DNA2: variants seen among roughly 807,000 people sequenced by gnomAD.
DNA2 encodes DNA replication ATP-dependent helicase/nuclease DNA2.
Under a neutral mutation model 119.1 loss-of-function variants are expected in DNA2, and 101 were observed. The observed-to-expected ratio is 0.85, with a 90% CI of 0.72 to 1.00. DNA2 has a LOEUF of 1.00. DNA2 is among the 50% of genes least tolerant of loss of function. The pLI is 0.00. For synonymous variants in DNA2, 366 were observed against 424.4 expected (o/e 0.86, Z 1.69); for missense variants, 1,121 against 1,255.5 (o/e 0.89, Z 1.62).
intron 14 of DNA2, among the ~76,000 whole-genome samples, chr10:68,428,896 C>T (rs1286329398): frequency 6.6e-6 from 1 of 152,124 alleles, no homozygotes; most frequent in Non-Finnish European, 1.5e-5. Context: ...GTATCAATGT[C>T]AACATCCTGG....
intron 4 of DNA2, among the ~76,000 whole-genome samples, chr10:68,464,176 G>C (rs1341173852): frequency 6.6e-6 from 1 of 152,162 alleles, no homozygotes; most frequent in Non-Finnish European, 1.5e-5. Context: ...CAGTAGAAAT[G>C]TAAACTTGGA....
intron 4 of DNA2, among the ~76,000 whole-genome samples, chr10:68,460,030 T>TACAAACACACACACACAC (rs1554909244): frequency 2.1e-4 from 31 of 145,700 alleles, no homozygotes; most frequent in African/African-American, 7.9e-4. Flanking sequence ...CCATCACAAA[T>TACAAACACACACACACAC]ACACACACAC....
intron 5 of DNA2, among the ~76,000 whole-genome samples, chr10:68,453,807 G>A (rs1214306915): frequency 6.6e-6 from 1 of 152,160 alleles, no homozygotes; most frequent in Non-Finnish European, 1.5e-5. Context: ...ATCTAGGTTT[G>A]CACAAGTACA....
At chr10:68,447,360 AT>A (rs1352440021) in intron 6 of DNA2, among the ~76,000 whole-genome samples, 1 of 151,802 alleles carries the variant, frequency 6.6e-6, no homozygotes, top group African/African-American at 2.4e-5. Context: ...TCTACTAAAA[AT>A]ACAAAAATTA....
chr10:68,435,880 C>T (rs2051882634), intron 10 of DNA2, among the ~76,000 whole-genome samples: 2 of 152,158 alleles, frequency 1.3e-5, no homozygotes, highest in Non-Finnish European at 2.9e-5. Context: ...CAGTGCCCAG[C>T]ATGCAAGGAG....
At chr10:68,432,141 C>A in intron 12 of DNA2, 65 bp downstream of exon 12, 1 of 1,227,900 alleles carries the variant, frequency 8.1e-7, no homozygotes, top group South Asian at 1.4e-5. Flanking sequence ...AGATATTAGA[C>A]TACAGTATAA....
chr10:68,441,425 T>G (rs965313367), intron 9 of DNA2, among the ~76,000 whole-genome samples: 2 of 151,506 alleles, frequency 1.3e-5, no homozygotes, highest in African/African-American at 4.8e-5. Flanking sequence ...GACTATGAAA[T>G]GGACCTTTAG....
intron 5 of DNA2, 85 bp downstream of exon 5, chr10:68,459,019 T>G: frequency 8.1e-7 from 1 of 1,230,272 alleles, no homozygotes; most frequent in South Asian, 2.2e-5. Flanking sequence ...TTACTCAATC[T>G]TTAAAAACTT....
At chr10:68,439,087 T>A (rs2133390341) in intron 9 of DNA2, among the ~76,000 whole-genome samples, 1 of 150,166 alleles carries the variant, frequency 6.7e-6, no homozygotes, top group Non-Finnish European at 1.5e-5. Context: ...TAAAACAAGT[T>A]ACGTTTTACA....
At chr10:68,416,197 G>A (rs2051587219) in intron 20 of DNA2, among the ~76,000 whole-genome samples, 1 of 152,132 alleles carries the variant, frequency 6.6e-6, no homozygotes, top group Non-Finnish European at 1.5e-5. Context: ...GCTGAATGTG[G>A]TGGCTGACAC....
rs1203956193 is a variant in DNA2, at chr10:68,448,968, C to CGCGTGTGT, written c.939+1059_939+1060insACACACGC. On this transcript the variant is annotated intron_variant, in intron 6 of 20. Transcript: ENST00000358410. ...GTGTGTGTGTGTGTGTGTGTGTGTG[C>CGCGTGTGT]GTGTGTGTGTGTGTGTGTAGTAGTT... Among the ~76,000 whole-genome samples, 261 of 109,650 alleles carry CGCGTGTGT rather than the reference C, an allele frequency of 2.4e-3. 1 individual carries two copies. The highest frequency in any genetic ancestry group is 4.0e-3 in the South Asian group (10 of 2,510). 71.9% of individuals were successfully genotyped at this position (109,650 alleles called of 152,430 possible). A position where few individuals can be genotyped will look rare whatever the true frequency, so the allele number is the denominator to read the frequency against.
Position 68,416,791 on chromosome 10 carries a change from AGTT to A in DNA2, c.3029_3031del (p.Lys1010_Leu1011delinsMet), listed in dbSNP as rs1564874368. The A allele has an allele frequency of 1.9e-6, 3 of 1,613,944 alleles. No individual in the cohort carries two copies. The South Asian group carries it at 3.3e-5, about 18-fold the overall frequency. On this transcript the variant is annotated inframe_deletion, in exon 20 of 21. Coordinates refer to ENST00000358410, the MANE Select transcript of DNA2 (RefSeq NM_001080449.3). Reference sequence around the variant, plus strand: ...TGAGGGCACACACCCCAGAAGAATCAGTTTATGTTTGGCTCTGGTTATAGCAAC... The same window carrying A: ...TGAGGGCACACACCCCAGAAGAATCATATGTTTGGCTCTGGTTATAGCAAC...
chr10:68,460,030 T>TACACACACAC (rs150226727), intron 4 of DNA2, among the ~76,000 whole-genome samples: 2,531 of 145,628 alleles, frequency 0.017, 48 homozygotes, highest in African/African-American at 0.048. Flanking sequence ...CCATCACAAA[T>TACACACACAC]ACACACACAC....
chr10:68,450,450 G>A (rs1274303783), intron 5 of DNA2, among the ~76,000 whole-genome samples: 2 of 152,126 alleles, frequency 1.3e-5, no homozygotes, highest in Non-Finnish European at 2.9e-5. Flanking sequence ...AAATCCTCAA[G>A]ACCCACTCCA....
At chr10:68,432,616 A>T in intron 10 of DNA2, 106 bp from the exon 11 acceptor site, 2 of 708,030 alleles carry the variant, frequency 2.8e-6, no homozygotes, top group Non-Finnish European at 4.9e-6. Flanking sequence ...AATAGCTATT[A>T]AAATAGCTAC....
chr10:68,444,922 T>A lies in DNA2; in HGVS notation c.1219A>T (p.Arg407Ter). 1 of 1,611,436 alleles carries A rather than the reference T, an allele frequency of 6.2e-7. No individual in the cohort carries two copies. The highest frequency in any genetic ancestry group is 8.5e-7 in the Non-Finnish European group (1 of 1,178,428). The change falls in exon 8 of 21, where the codon AGA becomes TGA. Residue 407 changes from arginine (R) to a stop codon, truncating the protein, a stop_gained and splice_region_variant. Transcript: ENST00000358410. LOFTEE classifies it high-confidence loss of function. The part of the protein sequence containing the change: ...SQIGNCALYS[R>*]AVEQQMDCSS... ...ATGCCTTTGGTAGACAATATTTACCTGCTATAAAGAGCACAATTGCCAATT... is the reference window on the plus strand; with the variant it reads ...ATGCCTTTGGTAGACAATATTTACCAGCTATAAAGAGCACAATTGCCAATT...
Position 68,450,214 on chromosome 10 carries a change from A to G in DNA2, c.753T>C (p.Cys251=). Residue 251 remains cysteine, a synonymous_variant, in exon 6 of 21, where the codon TGT becomes TGC. Coordinates refer to ENST00000358410, the MANE Select transcript of DNA2 (RefSeq NM_001080449.3). The part of the protein sequence containing the change: ...PSDNSKDNST[C]NIEVVKPMDI... ...CCATTGGTTTCACGACTTCAATGTT[A>G]CATGTTGAATTATCCTTACTATTAT... is the stretch of plus-strand genomic sequence containing the variant. 3 of 1,590,566 alleles carry G rather than the reference A, an allele frequency of 1.9e-6. No homozygotes were observed. The highest frequency in any genetic ancestry group is 2.6e-6 in the Non-Finnish European group (3 of 1,167,344).
chr10:68,434,214 G>A (rs1054472394), intron 10 of DNA2, among the ~76,000 whole-genome samples: 1 of 152,068 alleles, frequency 6.6e-6, no homozygotes, highest in Non-Finnish European at 1.5e-5. Flanking sequence ...GGCAGAGGCT[G>A]CAGTGAACTG....
intron 5 of DNA2, among the ~76,000 whole-genome samples, chr10:68,450,702 C>T (rs1179497356): frequency 6.6e-6 from 1 of 152,138 alleles, no homozygotes; most frequent in African/African-American, 2.4e-5. Flanking sequence ...TTGCTAGAGC[C>T]ACAATTCCAA....
Sources: gnomAD v4.1 joint callset for allele counts (sites outside exome capture counted in the v4.1 genomes callset) on GRCh38, gnomAD v4.1.1 for gene constraint, MANE v1.5 for transcripts, NCBI Gene and HGNC (gene_info 2026-07-23, HGNC 2026-07-21) for gene names.